The following COL22A1 variants were observed in gnomAD, a reference collection of about 807,000 sequenced individuals.
COL22A1 encodes collagen type XXII alpha 1 chain, also known as collagen alpha-1(XXII) chain.
COL22A1 carries 221 observed loss-of-function variants against 248.9 expected under a neutral mutation model. The observed-to-expected ratio is 0.89, with a 90% CI of 0.80 to 0.99. The LOEUF is 0.99. COL22A1 is among the 50% of genes least tolerant of loss of function. The pLI is 0.00. For missense variants in COL22A1, 2,240 were observed against 2,179.0 expected (o/e 1.03, Z -0.56); for synonymous variants, 891 against 793.4 (o/e 1.12, Z -2.07).
intron 32 of COL22A1, among the ~76,000 whole-genome samples, chr8:138,696,459 T>TA (rs1827511082): frequency 6.9e-6 from 1 of 145,384 alleles, no homozygotes; most frequent in Non-Finnish European, 1.5e-5. Context: ...CCTGAGTAGT[T>TA]CTAACCTTTA....
intron 30 of COL22A1, among the ~76,000 whole-genome samples, chr8:138,707,063 T>C (rs138378723): frequency 4.0e-3 from 613 of 152,284 alleles, no homozygotes; most frequent in Non-Finnish European, 6.2e-3. Flanking sequence ...CCTGGACACA[T>C]ACGCCCTCCC....
chr8:138,756,117 C>T (rs1310865977), intron 18 of COL22A1, among the ~76,000 whole-genome samples: 1 of 152,144 alleles, frequency 6.6e-6, no homozygotes. Context: ...TCCATGAACA[C>T]CTCAGGGCCC....
intron 2 of COL22A1, among the ~76,000 whole-genome samples, chr8:138,879,868 T>C (rs1037142134): frequency 6.1e-5 from 6 of 97,704 alleles, no homozygotes; most frequent in African/African-American, 2.4e-4. Context: ...AAAAAAACAC[T>C]TTGTTGAAAT....
intron 44 of COL22A1, among the ~76,000 whole-genome samples, chr8:138,656,962 C>T (rs11986569): frequency 0.026 from 4,005 of 152,242 alleles, 174 homozygotes; most frequent in African/African-American, 0.088. Flanking sequence ...TCGGTGCCAT[C>T]CTGTGGTTAG....
In COL22A1 at chr8:138,626,481, T is replaced by C. The variant is rs1485040580; in HGVS notation, c.3664-238A>G. ...CACACTGGAGCTCATTCTGGCCATA[T>C]TATTAATACAGAGGCTCAGGGAAAA... On this transcript the variant is annotated intron_variant, in intron 50 of 64. Transcript: ENST00000303045. Among the ~76,000 whole-genome samples, 3 of 152,344 alleles carry C rather than the reference T, an allele frequency of 2.0e-5. No homozygotes were observed. The East Asian group carries it at 5.8e-4, about 29-fold the overall frequency.
chr8:138,792,051 CA>C (rs1816096851), intron 12 of COL22A1, among the ~76,000 whole-genome samples: 1 of 152,034 alleles, frequency 6.6e-6, no homozygotes, highest in East Asian at 1.9e-4. Flanking sequence ...CCCCCTTTAC[CA>C]AATGTTCAGT....
chr8:138,716,114 C>A (rs900835022), intron 29 of COL22A1, 113 bp downstream of exon 29: 14 of 817,658 alleles, frequency 1.7e-5, no homozygotes, highest in Non-Finnish European at 2.5e-5. Flanking sequence ...GAAATACACT[C>A]TTCACCCAGT....
At chr8:138,691,387 A>G (rs1034378693) in intron 35 of COL22A1, among the ~76,000 whole-genome samples, 3 of 147,846 alleles carry the variant, frequency 2.0e-5, no homozygotes, top group African/African-American at 7.6e-5. Flanking sequence ...GCATGTGTGC[A>G]TGTTTGTGGA....
Position 138,599,279 on chromosome 8 carries a change from A to G in COL22A1, c.4186-381T>C, listed in dbSNP as rs1817804877. ...ATCACGAGGTCAGGAGATCGAGACC[A>G]TCCTTGTTAACCCTGTGAAACCCCG... On this transcript the variant is annotated intron_variant, in intron 60 of 64. Coordinates refer to ENST00000303045, the MANE Select transcript of COL22A1 (RefSeq NM_152888.3). 2.6e-5 allele frequency among the ~76,000 whole-genome samples: 4 copies of G among 152,052 alleles called. No homozygotes were observed. In the South Asian group the frequency reaches 8.3e-4, roughly 32 times the overall value.
intron 1 of COL22A1, among the ~76,000 whole-genome samples, chr8:138,896,578 A>G (rs1404906999): frequency 6.6e-6 from 1 of 152,232 alleles, no homozygotes; most frequent in African/African-American, 2.4e-5. Context: ...GAAACTAAGG[A>G]ATGAGGAAGT....
Position 138,640,701 on chromosome 8 carries a change from T to A in COL22A1, c.3502-3906A>T, listed in dbSNP as rs543075143. 3.0e-3 allele frequency among the ~76,000 whole-genome samples: 454 copies of A among 152,300 alleles called. 4 individuals are homozygous for A. The highest frequency in any genetic ancestry group is 0.01 in the African/African-American group (433 of 41,570). On this transcript the variant is annotated intron_variant, in intron 47 of 64. Transcript: ENST00000303045. ...AAGTATTATGAGGACCACTTGCAGTTACATGTATTAAATGCTTCCTACCTG... is the reference window on the plus strand; with the variant it reads ...AAGTATTATGAGGACCACTTGCAGTAACATGTATTAAATGCTTCCTACCTG...
intron 1 of COL22A1, among the ~76,000 whole-genome samples, chr8:138,893,285 T>C (rs1348738315): frequency 2.6e-5 from 4 of 152,216 alleles, no homozygotes; most frequent in Non-Finnish European, 5.9e-5. Context: ...GACTAAGCTT[T>C]TCAATCAGCA....
In COL22A1 at chr8:138,677,078, A is replaced by G. The variant is rs539354337; in HGVS notation, c.3073-443T>C. On this transcript the variant is annotated intron_variant, in intron 40 of 64. Transcript: ENST00000303045. ...CACCAATAATTTGCCAAGTACCTAC[A>G]TTTTGCACATCATCCTTCTGGATGT... 6.6e-5 allele frequency among the ~76,000 whole-genome samples: 10 copies of G among 152,304 alleles called. No homozygotes were observed. The South Asian group carries it at 2.1e-3, about 32-fold the overall frequency.
intron 1 of COL22A1, among the ~76,000 whole-genome samples, chr8:138,886,830 G>A (rs1824700887): frequency 6.6e-6 from 1 of 152,214 alleles, no homozygotes; most frequent in African/African-American, 2.4e-5. Flanking sequence ...GCTGGGATTT[G>A]ACCTCAGGTC....
intron 12 of COL22A1, among the ~76,000 whole-genome samples, chr8:138,784,575 T>C (rs1018249389): frequency 2.6e-5 from 4 of 152,190 alleles, no homozygotes; most frequent in African/African-American, 9.7e-5. Context: ...TTCTACCCGA[T>C]TAAACACACA....
At chr8:138,849,854 C>A (rs79913674) in intron 3 of COL22A1, among the ~76,000 whole-genome samples, 2 of 152,060 alleles carry the variant, frequency 1.3e-5, no homozygotes, top group East Asian at 3.9e-4. Flanking sequence ...GAGCTCTTAA[C>A]CACTATCCAC....
intron 22 of COL22A1, among the ~76,000 whole-genome samples, chr8:138,748,196 C>T (rs1832286891): frequency 6.6e-6 from 1 of 152,230 alleles, no homozygotes; most frequent in African/African-American, 2.4e-5. Context: ...CCCCCGGCTC[C>T]TCTCAGTGGC....
chr8:138,594,475 G>A (rs769670581), intron 62 of COL22A1, among the ~76,000 whole-genome samples: 2 of 152,150 alleles, frequency 1.3e-5, no homozygotes, highest in South Asian at 2.1e-4. Flanking sequence ...AGTGACCATC[G>A]CTGCCCCTGG....
At chr8:138,838,438 G>T (rs143198825) in intron 4 of COL22A1, among the ~76,000 whole-genome samples, 2 of 152,096 alleles carry the variant, frequency 1.3e-5, no homozygotes, top group African/African-American at 2.4e-5. Context: ...AAAGTGGGCC[G>T]ATCCTCTACT....
Sources: allele counts gnomAD v4.1 joint callset (sites outside exome capture counted in the v4.1 genomes callset), GRCh38; gene constraint gnomAD v4.1.1; transcripts MANE v1.5; gene names NCBI Gene and HGNC (gene_info 2026-07-23, HGNC 2026-07-21).